The following PLCL1 variants were observed in gnomAD, a reference collection of about 807,000 sequenced individuals.
The protein encoded by PLCL1 is inactive phospholipase C-like protein 1.
A neutral mutation model predicts 84.4 loss-of-function variants in PLCL1; 41 were observed. The observed-to-expected ratio is 0.49, with a 90% CI of 0.38 to 0.63. PLCL1 has a LOEUF of 0.63. Among genes scored for constraint, PLCL1 ranks in the 30% least tolerant of loss-of-function variants. PLCL1 has a pLI of 0.00. For synonymous variants in PLCL1, 490 were observed against 488.3 expected, an observed-to-expected ratio of 1.00 and a Z score of -0.05; for missense variants, 1,206 against 1,367.8, an observed-to-expected ratio of 0.88 and a Z score of 1.87.
chr2:198,062,633 G>GT (rs1246820263), intron 1 of PLCL1, among the ~76,000 whole-genome samples: 2 of 152,028 alleles, frequency 1.3e-5, no homozygotes, highest in Admixed American at 6.6e-5. Flanking sequence ...GCAATGTCTA[G>GT]TTTTTTTCAT....
intron 1 of PLCL1, among the ~76,000 whole-genome samples, chr2:197,848,853 G>C (rs562307214): frequency 6.6e-6 from 1 of 152,216 alleles, no homozygotes; most frequent in East Asian, 1.9e-4. Flanking sequence ...ACAGAGATGA[G>C]ACAAGTACTA....
intron 1 of PLCL1, among the ~76,000 whole-genome samples, chr2:197,930,478 TA>T (rs757282102): frequency 4.6e-5 from 7 of 152,158 alleles, no homozygotes; most frequent in African/African-American, 1.2e-4. Context: ...CTGTGAAAAC[TA>T]AGGGGCTAAA....
intron 1 of PLCL1, among the ~76,000 whole-genome samples, chr2:197,975,969 T>C (rs2105800915): frequency 6.6e-6 from 1 of 152,334 alleles, no homozygotes; most frequent in South Asian, 2.1e-4. Context: ...CAACCATACC[T>C]TCCTAGTACA....
At chr2:197,839,604 C>T (rs559963410) in intron 1 of PLCL1, among the ~76,000 whole-genome samples, 26 of 152,238 alleles carry the variant, frequency 1.7e-4, no homozygotes, top group African/African-American at 5.5e-4. Flanking sequence ...AGACTGACAC[C>T]GGTCCGTAGC....
intron 1 of PLCL1, among the ~76,000 whole-genome samples, chr2:197,980,183 T>C (rs2105804176): frequency 6.6e-6 from 1 of 152,234 alleles, no homozygotes; most frequent in East Asian, 1.9e-4. Flanking sequence ...TGGCTGTCCA[T>C]GGACACAGGA....
At chr2:198,050,973 T>C (rs1000848055) in intron 1 of PLCL1, among the ~76,000 whole-genome samples, 1 of 152,242 alleles carries the variant, frequency 6.6e-6, no homozygotes, top group Non-Finnish European at 1.5e-5. Flanking sequence ...CTATGCCATA[T>C]AATTATTTGA....
intron 1 of PLCL1, among the ~76,000 whole-genome samples, chr2:197,823,354 C>T (rs950508170): frequency 1.3e-5 from 2 of 152,046 alleles, no homozygotes; most frequent in Non-Finnish European, 2.9e-5. Flanking sequence ...CTGATTGTCT[C>T]TCTCTATATA....
At chr2:198,028,221 C>A (rs1691321337) in intron 1 of PLCL1, among the ~76,000 whole-genome samples, 1 of 152,050 alleles carries the variant, frequency 6.6e-6, no homozygotes, top group African/African-American at 2.4e-5. Flanking sequence ...AAAATTTATA[C>A]CAACATATAT....
chr2:197,889,955 C>T (rs1461523680), intron 1 of PLCL1, among the ~76,000 whole-genome samples: 1 of 152,138 alleles, frequency 6.6e-6, no homozygotes, highest in Non-Finnish European at 1.5e-5. Flanking sequence ...ATTCATCTTT[C>T]TTATAGCAGA....
intron 1 of PLCL1, among the ~76,000 whole-genome samples, chr2:197,807,673 C>T (rs1328628042): frequency 2.0e-5 from 3 of 152,056 alleles, no homozygotes; most frequent in Non-Finnish European, 4.4e-5. Flanking sequence ...ATGCATTTTT[C>T]ACAGTTTTGC....
chr2:198,086,292 T>C, intron 2 of PLCL1, 60 bp downstream of exon 2: 1 of 1,209,946 alleles, frequency 8.3e-7, no homozygotes, highest in Non-Finnish European at 1.2e-6. Context: ...CGTATAATGT[T>C]TTATTAATAA....
intron 5 of PLCL1, among the ~76,000 whole-genome samples, chr2:198,133,643 A>G (rs1046000956): frequency 5.9e-5 from 9 of 152,074 alleles, no homozygotes; most frequent in Admixed American, 2.6e-4. Context: ...TGATGATTTA[A>G]TGGTGCATAT....
chr2:197,960,751 C>A (rs746961125), intron 1 of PLCL1, among the ~76,000 whole-genome samples: 10 of 151,960 alleles, frequency 6.6e-5, no homozygotes, highest in Non-Finnish European at 1.5e-4. Context: ...TTTGGGGGGA[C>A]AAAACAGATA....
intron 1 of PLCL1, among the ~76,000 whole-genome samples, chr2:197,884,665 T>C (rs1687886508): frequency 6.6e-6 from 1 of 152,160 alleles, no homozygotes; most frequent in Non-Finnish European, 1.5e-5. Context: ...CATTCACCAA[T>C]CCTTTTTTCC....
chr2:197,955,188 T>C (rs971612994), intron 1 of PLCL1, among the ~76,000 whole-genome samples: 6 of 152,160 alleles, frequency 3.9e-5, no homozygotes, highest in African/African-American at 1.4e-4. Flanking sequence ...CTCAGTCTTT[T>C]CTTAATACAG....
At chr2:197,822,014 G>A (rs554286088) in intron 1 of PLCL1, among the ~76,000 whole-genome samples, 1 of 152,252 alleles carries the variant, frequency 6.6e-6, no homozygotes, top group South Asian at 2.1e-4. Context: ...GTCTGTATGA[G>A]CCAGTTGGCT....
chr2:197,819,171 A>C (rs1239434225), intron 1 of PLCL1, among the ~76,000 whole-genome samples: 3 of 151,970 alleles, frequency 2.0e-5, no homozygotes, highest in African/African-American at 7.2e-5. Context: ...CTATGGAGAG[A>C]CCTCGGCTTC....
At chr2:198,099,188 C>T (rs1290852181) in intron 3 of PLCL1, among the ~76,000 whole-genome samples, 1 of 152,106 alleles carries the variant, frequency 6.6e-6, no homozygotes, top group Non-Finnish European at 1.5e-5. Flanking sequence ...GTCGTGCTGA[C>T]TTCCCGGCTC....
At chr2:197,955,768 T>A (rs191270257) in intron 1 of PLCL1, among the ~76,000 whole-genome samples, 1 of 151,386 alleles carries the variant, frequency 6.6e-6, no homozygotes, top group African/African-American at 2.4e-5. Flanking sequence ...TGTACCACAT[T>A]TTCTTTTTTT....
Sources: gnomAD v4.1 joint callset for allele counts (sites outside exome capture counted in the v4.1 genomes callset) on GRCh38, gnomAD v4.1.1 for gene constraint, MANE v1.5 for transcripts, NCBI Gene and HGNC (gene_info 2026-07-23, HGNC 2026-07-21) for gene names.